The following NPR3 variants were observed in gnomAD, a reference collection of about 807,000 sequenced individuals.
NPR3 encodes natriuretic peptide receptor 3.
A neutral mutation model predicts 54.5 loss-of-function variants in NPR3; 34 were observed. That is an observed-to-expected ratio of 0.62 (90% CI 0.47 to 0.83). NPR3 has a LOEUF of 0.83. Ranked by LOEUF, NPR3 falls within the 40% of genes least tolerant of loss-of-function variation. The pLI is 0.00. For missense variants in NPR3, 674 were observed against 720.8 expected, an observed-to-expected ratio of 0.94 and a Z score of 0.74; for synonymous variants, 289 against 297.1, an observed-to-expected ratio of 0.97 and a Z score of 0.28.
chr5:32,738,866 G>T lies in NPR3; in HGVS notation c.895G>T (p.Asp299Tyr), dbSNP rs1322446173. ...IELFNSSSYG[D>Y]GSWKRGDKHD... ...AAATATTTTTATTTCTTCCATAGGA[G>T]ATGGCTCATGGAAGAGAGGAGACAA... The change falls in exon 3 of 8, where the codon GAT (aspartate) becomes TAT (tyrosine). Residue 299 changes from aspartate (D) to tyrosine (Y), a missense_variant and splice_region_variant. Asp to Tyr is a radical substitution (Grantham distance 160). Coordinates refer to ENST00000265074, the MANE Select transcript of NPR3 (RefSeq NM_001204375.2). 6.2e-7 allele frequency: 1 copy of T among 1,612,364 alleles called. No homozygotes were observed. The highest frequency in any genetic ancestry group is 8.5e-7 in the Non-Finnish European group (1 of 1,178,912).
At chr5:32,758,135 T>C (rs1174088798) in intron 3 of NPR3, among the ~76,000 whole-genome samples, 2 of 152,166 alleles carry the variant, frequency 1.3e-5, no homozygotes, top group Non-Finnish European at 2.9e-5. Flanking sequence ...TTAGGGAGGA[T>C]TCCCTCTTTT....
chr5:32,744,165 G>C (rs1379710649), intron 3 of NPR3, among the ~76,000 whole-genome samples: 1 of 151,840 alleles, frequency 6.6e-6, no homozygotes, highest in Non-Finnish European at 1.5e-5. Context: ...GCTAATTTTT[G>C]TATTTTTAGT....
chr5:32,768,619 G>A (rs914128774), intron 3 of NPR3, among the ~76,000 whole-genome samples: 5 of 152,136 alleles, frequency 3.3e-5, no homozygotes, highest in Admixed American at 2.0e-4. Context: ...TACAGGAGGT[G>A]AATGAGGGCC....
intron 7 of NPR3, among the ~76,000 whole-genome samples, chr5:32,785,865 C>G (rs1179526682): frequency 6.6e-6 from 1 of 152,178 alleles, no homozygotes; most frequent in East Asian, 1.9e-4. Context: ...ATATGTGACC[C>G]TTTGTGGGAA....
intron 1 of NPR3, among the ~76,000 whole-genome samples, chr5:32,697,369 G>T (rs1313439991): frequency 6.6e-6 from 1 of 151,248 alleles, no homozygotes; most frequent in Admixed American, 6.6e-5. Context: ...ATGTGTTATT[G>T]AATTTGGTTT....
chr5:32,701,052 G>A (rs758971165), intron 1 of NPR3, among the ~76,000 whole-genome samples: 16 of 152,140 alleles, frequency 1.1e-4, no homozygotes, highest in Non-Finnish European at 1.5e-4. Flanking sequence ...ATCCTCTCCA[G>A]CATCTGTTAT....
rs1742802697 is a variant in NPR3, at chr5:32,789,562, C to T, written c.*3217C>T. 1.9e-6 allele frequency: 1 copy of T among 534,574 alleles called. No individual in the cohort carries two copies. Among genetic ancestry groups the T allele is most frequent in the African/African-American group, 1.9e-5 (1 of 51,958 alleles). 33.1% of individuals were successfully genotyped at this position (534,574 alleles called of 1,614,324 possible). ...GAAATGCATGGGAAAAGAACACCTC[C>T]TTTTCTCCTTTCTCTTAAATTCAAA... On this transcript the variant is annotated 3_prime_UTR_variant, in exon 8 of 8. Transcript: ENST00000265074.
At chr5:32,714,712 A>C (rs1738460246) in intron 1 of NPR3, among the ~76,000 whole-genome samples, 1 of 152,202 alleles carries the variant, frequency 6.6e-6, no homozygotes, top group Non-Finnish European at 1.5e-5. Context: ...TTCCACCCCG[A>C]AATTCCTTAC....
At chr5:32,749,462 A>T (rs183413537) in intron 3 of NPR3, among the ~76,000 whole-genome samples, 290 of 152,344 alleles carry the variant, frequency 1.9e-3, no homozygotes, top group African/African-American at 6.8e-3. Flanking sequence ...AGGGTGAGCC[A>T]CTATGGAGCT....
At chr5:32,724,649 A>G in intron 1 of NPR3, 49 bp from the exon 2 acceptor site, 1 of 1,609,858 alleles carries the variant, frequency 6.2e-7, no homozygotes, top group Non-Finnish European at 8.5e-7. Flanking sequence ...GCATGCTCGA[A>G]GTGCTCTGCA....
At chr5:32,761,411 AT>A (rs1486917921) in intron 3 of NPR3, among the ~76,000 whole-genome samples, 5 of 152,164 alleles carry the variant, frequency 3.3e-5, no homozygotes, top group African/African-American at 9.6e-5. Flanking sequence ...TTTAAAAAAA[AT>A]AATTTTTTGT....
At chr5:32,749,568 C>A (rs2111977631) in intron 3 of NPR3, among the ~76,000 whole-genome samples, 1 of 152,162 alleles carries the variant, frequency 6.6e-6, no homozygotes, top group East Asian at 1.9e-4. Flanking sequence ...ACGGATTATC[C>A]CAAATATGAA....
chr5:32,762,264 G>T (rs551370189), intron 3 of NPR3, among the ~76,000 whole-genome samples: 1 of 152,082 alleles, frequency 6.6e-6, no homozygotes, highest in African/African-American at 2.4e-5. Flanking sequence ...ACATGTGCAT[G>T]TGTCTTTATA....
rs551377665 is a variant in NPR3 at position 32,735,589 on chromosome 5, C to T, written c.893-3275C>T. Among the ~76,000 whole-genome samples the T allele has an allele frequency of 2.6e-5, 4 of 152,148 alleles. No individual in the cohort carries two copies. The South Asian group carries it at 6.2e-4, about 24-fold the overall frequency. On this transcript the variant is annotated intron_variant, in intron 2 of 7. Coordinates refer to ENST00000265074, the MANE Select transcript of NPR3 (RefSeq NM_001204375.2). Reference sequence around the variant, plus strand: ...ACATATAACCTTCCCTAACCTCTTGCCTGGATTACTGCGGCTGTGAACGCT... The same window carrying T: ...ACATATAACCTTCCCTAACCTCTTGTCTGGATTACTGCGGCTGTGAACGCT...
chr5:32,766,401 T>C (rs149542147), intron 3 of NPR3, among the ~76,000 whole-genome samples: 1 of 152,344 alleles, frequency 6.6e-6, no homozygotes, highest in Non-Finnish European at 1.5e-5. Context: ...TGGAGGCAAC[T>C]GGACTGCTCA....
chr5:32,716,996 A>AACCCCCC (rs1561079842), intron 1 of NPR3, among the ~76,000 whole-genome samples: 12 of 109,668 alleles, frequency 1.1e-4, no homozygotes, highest in Admixed American at 2.0e-4. Context: ...CCATCCCCCA[A>AACCCCCC]CCCCCCCACC....
At chr5:32,746,952 G>A (rs185028112) in intron 3 of NPR3, among the ~76,000 whole-genome samples, 1 of 152,236 alleles carries the variant, frequency 6.6e-6, no homozygotes, top group Non-Finnish European at 1.5e-5. Flanking sequence ...TAGATCGAAA[G>A]GGCCCAATAT....
At chr5:32,707,384 A>G (rs1259917729), upstream of NPR3, among the ~76,000 whole-genome samples, 4 of 152,164 alleles carry the variant, frequency 2.6e-5, no homozygotes, top group Admixed American at 6.5e-5. Flanking sequence ...TAAGTTAATA[A>G]AGTCCCTGCT....
At chr5:32,776,183 C>A (rs1742036283) in intron 4 of NPR3, among the ~76,000 whole-genome samples, 1 of 152,102 alleles carries the variant, frequency 6.6e-6, no homozygotes, top group Non-Finnish European at 1.5e-5. Flanking sequence ...TATTTTTCAT[C>A]TTAGGTTTTT....
Sources: allele counts gnomAD v4.1 joint callset (sites outside exome capture counted in the v4.1 genomes callset), GRCh38; gene constraint gnomAD v4.1.1; transcripts MANE v1.5; gene names NCBI Gene and HGNC (gene_info 2026-07-23, HGNC 2026-07-21).